Variants in ANO2 observed in about 807,000 individuals in gnomAD.
The protein encoded by ANO2 is anoctamin-2.
Under a neutral mutation model 124.2 loss-of-function variants are expected in ANO2, and 101 were observed. The observed-to-expected ratio is 0.81, with a 90% CI of 0.69 to 0.96. ANO2 has a LOEUF of 0.96. ANO2 is among the 40% of genes least tolerant of loss of function. The pLI is 0.00. For missense variants in ANO2, 1,293 were observed against 1,274.5 expected (o/e 1.01, Z -0.22); for synonymous variants, 486 against 482.5 (o/e 1.01, Z -0.09).
At chr12:5,696,177 A>G (rs918662114) in intron 14 of ANO2, among the ~76,000 whole-genome samples, 1 of 152,196 alleles carries the variant, frequency 6.6e-6, no homozygotes, top group African/African-American at 2.4e-5. Context: ...ATAGAAGACA[A>G]ACAATAGGAA....
At chr12:5,754,842 G>A (rs1281638509) in intron 10 of ANO2, among the ~76,000 whole-genome samples, 1 of 151,768 alleles carries the variant, frequency 6.6e-6, no homozygotes, top group Non-Finnish European at 1.5e-5. Flanking sequence ...TCTAACTAAG[G>A]ATTCGTCAAC....
chr12:5,644,670 A>T (rs1315588098), intron 15 of ANO2, among the ~76,000 whole-genome samples: 1 of 152,184 alleles, frequency 6.6e-6, no homozygotes, highest in East Asian at 1.9e-4. Flanking sequence ...AAAGTTCTTC[A>T]TTCCTTTCTA....
At chr12:5,630,977 C>T (rs1361916895) in intron 16 of ANO2, among the ~76,000 whole-genome samples, 1 of 152,158 alleles carries the variant, frequency 6.6e-6, no homozygotes, top group Non-Finnish European at 1.5e-5. Flanking sequence ...GCTGTCTTCC[C>T]CTGACATGGT....
intron 14 of ANO2, among the ~76,000 whole-genome samples, chr12:5,692,095 A>G (rs1364560624): frequency 1.3e-5 from 2 of 152,036 alleles, no homozygotes; most frequent in African/African-American, 4.8e-5. Context: ...TGGAGACTAG[A>G]CTCTAAGGGA....
At chr12:5,638,592 G>A (rs911324559) in intron 15 of ANO2, among the ~76,000 whole-genome samples, 5 of 151,294 alleles carry the variant, frequency 3.3e-5, no homozygotes, top group Admixed American at 2.0e-4. Flanking sequence ...CTTATTGTGC[G>A]ACCCACTGCA....
At chr12:5,672,281 A>G (rs1384821871) in intron 14 of ANO2, among the ~76,000 whole-genome samples, 10 of 152,172 alleles carry the variant, frequency 6.6e-5, no homozygotes, top group Non-Finnish European at 1.0e-4. Context: ...AAGGCCCTGG[A>G]AAAAAAGTCA....
intron 14 of ANO2, among the ~76,000 whole-genome samples, chr12:5,663,610 A>T (rs1215644249): frequency 6.6e-6 from 1 of 152,130 alleles, no homozygotes; most frequent in Non-Finnish European, 1.5e-5. Context: ...AGGTCCCTGA[A>T]ATGCTGAAAT....
Position 5,839,718 on chromosome 12 carries a change from T to G in ANO2, c.634-7115A>C. ...TTTTGCAGTGTACCCAGCACTTCCC[T>G]GAGCATCATTTCATCCACGGTCCAT... On this transcript the variant is annotated intron_variant, in intron 4 of 24. Transcript: ENST00000682330. 1.4e-5 allele frequency: 6 copies of G among 432,600 alleles called. 1 individual carries two copies. The highest frequency in any genetic ancestry group is 9.8e-5 in the South Asian group (6 of 61,382). The allele number at this position is 432,600 out of a possible 1,614,324, so 26.8% of individuals were successfully genotyped here.
intron 23 of ANO2, among the ~76,000 whole-genome samples, chr12:5,569,010 T>A (rs957009046): frequency 1.3e-5 from 2 of 152,278 alleles, no homozygotes; most frequent in African/African-American, 4.8e-5. Flanking sequence ...AGGTTACTTA[T>A]GGAATACACC....
chr12:5,660,958 G>A lies in ANO2; in HGVS notation c.1546-13157C>T, dbSNP rs891677073. 6.6e-5 allele frequency among the ~76,000 whole-genome samples: 10 copies of A among 152,184 alleles called. 1 individual carries two copies. In the East Asian group the frequency reaches 1.5e-3, roughly 23 times the overall value. ...ATCTCTCATGGATCTGAGGAAAACC[G>A]AAGGAAAAATGCAAAAGGTTCATAG... On this transcript the variant is annotated intron_variant, in intron 14 of 24. Transcript: ENST00000682330.
chr12:5,847,952 T>C (rs927200418), intron 4 of ANO2, among the ~76,000 whole-genome samples: 95 of 152,244 alleles, frequency 6.2e-4, no homozygotes, highest in African/African-American at 2.2e-3. Flanking sequence ...CCGAAAAGAA[T>C]TAAAGTGTCA....
intron 10 of ANO2, among the ~76,000 whole-genome samples, chr12:5,789,549 A>G (rs1324918679): frequency 6.6e-6 from 1 of 152,168 alleles, no homozygotes; most frequent in East Asian, 1.9e-4. Context: ...CAGTCTCTTC[A>G]CGGCTGAGCC....
At chr12:5,816,389 T>C (rs1953611461) in intron 7 of ANO2, among the ~76,000 whole-genome samples, 1 of 152,040 alleles carries the variant, frequency 6.6e-6, no homozygotes, top group Admixed American at 6.6e-5. Flanking sequence ...CACTTGGTCT[T>C]CATGGGCAGA....
At chr12:5,944,974 A>AC (rs1555187868) in intron 1 of ANO2, among the ~76,000 whole-genome samples, 5 of 151,710 alleles carry the variant, frequency 3.3e-5, no homozygotes, top group African/African-American at 9.7e-5. Flanking sequence ...GAGTTAAAAA[A>AC]AAAACAAAAC....
chr12:5,917,743 A>G (rs1941468809), intron 3 of ANO2, among the ~76,000 whole-genome samples: 1 of 151,320 alleles, frequency 6.6e-6, no homozygotes, highest in African/African-American at 2.4e-5. Flanking sequence ...AATTTTTTGT[A>G]TTTTTAGTAG....
chr12:5,886,798 T>C (rs1938942094), intron 3 of ANO2, among the ~76,000 whole-genome samples: 1 of 152,190 alleles, frequency 6.6e-6, no homozygotes, highest in Non-Finnish European at 1.5e-5. Flanking sequence ...ACAACATGGA[T>C]ACACTTTGAA....
At chr12:5,899,280 A>T (rs1834631368) in intron 3 of ANO2, among the ~76,000 whole-genome samples, 1 of 152,218 alleles carries the variant, frequency 6.6e-6, no homozygotes, top group East Asian at 1.9e-4. Flanking sequence ...CAACTCAGCC[A>T]AATAGCCAAA....
chr12:5,855,316 T>C (rs1955064830), intron 3 of ANO2, among the ~76,000 whole-genome samples: 1 of 152,226 alleles, frequency 6.6e-6, no homozygotes, highest in African/African-American at 2.4e-5. Flanking sequence ...AAGAACACTG[T>C]CTATGGAGGA....
At chr12:5,733,959 GTAT>G (rs1209453846) in intron 13 of ANO2, among the ~76,000 whole-genome samples, 1 of 152,186 alleles carries the variant, frequency 6.6e-6, no homozygotes, top group African/African-American at 2.4e-5. Flanking sequence ...TACCTGCTCT[GTAT>G]TATTCTATGT....
Sources: allele counts gnomAD v4.1 joint callset (sites outside exome capture counted in the v4.1 genomes callset), GRCh38; gene constraint gnomAD v4.1.1; transcripts MANE v1.5; gene names NCBI Gene and HGNC (gene_info 2026-07-23, HGNC 2026-07-21).